The following MPP2 variants were observed in gnomAD, a reference collection of about 807,000 sequenced individuals.
The protein encoded by MPP2 is MAGUK p55 subfamily member 2.
A neutral mutation model predicts 58.5 loss-of-function variants in MPP2; 42 were observed. The observed-to-expected ratio is 0.72, with a 90% CI of 0.56 to 0.93. MPP2 has a LOEUF of 0.93. Among genes scored for constraint, MPP2 ranks in the 40% least tolerant of loss-of-function variants. The pLI, the probability that MPP2 is intolerant of heterozygous loss-of-function variation, is 0.00. For missense variants in MPP2, 632 were observed against 760.4 expected (o/e 0.83, Z 1.99); for synonymous variants, 300 against 307.8 (o/e 0.97, Z 0.26).
intron 2 of MPP2, chr17:43,901,605 G>C (rs1039591392): frequency 2.4e-5 from 24 of 984,704 alleles, no homozygotes; most frequent in Middle Eastern, 5.2e-4. Flanking sequence ...TTACACACCA[G>C]GACAGTAACC....
At chr17:43,904,529 G>A (rs1198130993) in intron 1 of MPP2, 36 bp from the exon 2 acceptor site, 1 of 1,589,708 alleles carries the variant, frequency 6.3e-7, no homozygotes, top group Non-Finnish European at 8.6e-7. Flanking sequence ...GCAGATACAA[G>A]GGCAAAGCAA....
intron 1 of MPP2, chr17:43,906,204 C>T (rs531359560): frequency 1.1e-6 from 1 of 913,328 alleles, no homozygotes; most frequent in South Asian, 5.2e-5. Flanking sequence ...GAAATCCCTG[C>T]GCTCGGAAGT....
intron 3 of MPP2, among the ~76,000 whole-genome samples, chr17:43,897,887 C>G (rs1170264882): frequency 1.3e-5 from 2 of 152,234 alleles, no homozygotes; most frequent in African/African-American, 2.4e-5. Flanking sequence ...TTTAGTCAAT[C>G]TCTCCCCAAC....
At chr17:43,891,156 C>T (rs2143662504) in intron 3 of MPP2, among the ~76,000 whole-genome samples, 1 of 152,286 alleles carries the variant, frequency 6.6e-6, no homozygotes, top group African/African-American at 2.4e-5. Context: ...ACCCTAGCCT[C>T]CCCACAGAAC....
Position 43,883,322 on chromosome 17 carries a change from C to T in MPP2, c.184G>A (p.Ala62Thr), listed in dbSNP as rs1197602082. 1 of 1,612,708 alleles carries T rather than the reference C, an allele frequency of 6.2e-7. No homozygotes were observed. ...HERLEETKLE[A>T]VRDNNLELVQ... ...AGCTCCAGGTTGTTGTCTCTCACGG[C>T]CTCCAGCTTCGTCTCCTCCAGCCTC... The change falls in exon 4 of 13, where the codon GCC becomes ACC. Residue 62 changes from alanine to threonine, a missense_variant. Physicochemically the swap from Ala to Thr is moderately conservative, Grantham distance 58. Transcript: ENST00000269095.
At chr17:43,901,680 A>G in intron 2 of MPP2, 1 of 784,722 alleles carries the variant, frequency 1.3e-6, no homozygotes, top group Non-Finnish European at 1.5e-6. Flanking sequence ...CCCAGCCTTG[A>G]TCCAAAAAAG....
At chr17:43,894,434 TATATATATATAC>T (rs2047740661) in intron 3 of MPP2, among the ~76,000 whole-genome samples, 2 of 16,160 alleles carry the variant, frequency 1.2e-4, no homozygotes, top group Non-Finnish European at 1.5e-4. Flanking sequence ...TATATATATA[TATATATATATAC>T]ACACACACAC....
chr17:43,901,929 T>C (rs569945228), intron 2 of MPP2, among the ~76,000 whole-genome samples: 109 of 152,276 alleles, frequency 7.2e-4, no homozygotes, highest in African/African-American at 2.4e-3. Context: ...AAGGATCTTA[T>C]TAGCTTTGCC....
chr17:43,901,858 G>C (rs142003380), intron 2 of MPP2, among the ~76,000 whole-genome samples: 2 of 152,298 alleles, frequency 1.3e-5, no homozygotes, highest in African/African-American at 4.8e-5. Context: ...CCCTGCAAGA[G>C]GAATACACCC....
At chr17:43,891,841 T>C (rs2047621175) in intron 3 of MPP2, among the ~76,000 whole-genome samples, 1 of 152,244 alleles carries the variant, frequency 6.6e-6, no homozygotes, top group Non-Finnish European at 1.5e-5. Context: ...AGCTGGTCAG[T>C]GGAATCTTCT....
intron 3 of MPP2, among the ~76,000 whole-genome samples, chr17:43,890,806 G>C (rs1015523363): frequency 3.5e-5 from 3 of 85,640 alleles, no homozygotes; most frequent in African/African-American, 1.0e-4. Flanking sequence ...TAGAGGATGA[G>C]AGACCACATG....
chr17:43,880,916 G>T lies in MPP2; in HGVS notation c.989-64C>A. On this transcript the variant is annotated intron_variant, in intron 9 of 12. Coordinates refer to ENST00000269095, the MANE Select transcript of MPP2 (RefSeq NM_005374.5). This position sits in a 1 kb window ranked among gnomAD's most constrained non-coding sequence, Gnocchi z 5.2. ...GGTGAGGGAGGGGCGGAGCTCTCAG[G>T]GAGGCTGAGGGCAAGAGGGCTTGGA... The T allele has an allele frequency of 6.4e-7, 1 of 1,558,934 alleles. No homozygotes were observed.
chr17:43,907,790 G>A (rs1012539971), upstream of MPP2: 39 of 985,422 alleles, frequency 4.0e-5, no homozygotes, highest in African/African-American at 6.5e-4. Flanking sequence ...GGTGCCCCTC[G>A]GCTCCCAAGG....
chr17:43,876,775 G>C lies in MPP2; in HGVS notation c.*1032C>G, dbSNP rs1057207370. ...CAGTGTAAATGGCGCCTCTGGAGTTGTGTGTGAGGAACCTCCTGGAGGGCA... is the reference window on the plus strand; with the variant it reads ...CAGTGTAAATGGCGCCTCTGGAGTTCTGTGTGAGGAACCTCCTGGAGGGCA... On this transcript the variant is annotated 3_prime_UTR_variant, in exon 13 of 13. Coordinates refer to ENST00000269095, the MANE Select transcript of MPP2 (RefSeq NM_005374.5). The C allele has an allele frequency of 1.1e-4, 17 of 152,472 alleles. No individual in the cohort carries two copies. Among genetic ancestry groups the C allele is most frequent in the African/African-American group, 3.6e-4 (15 of 41,600 alleles). The allele number at this position is 152,472 out of a possible 1,614,324, so 9.4% of individuals were successfully genotyped here.
chr17:43,901,398 A>G, intron 2 of MPP2: 1 of 985,494 alleles, frequency 1.0e-6, no homozygotes, highest in South Asian at 4.7e-5. Flanking sequence ...GTTCCCCAGA[A>G]AGGAAAAATG....
chr17:43,882,351 C>A lies in MPP2; in HGVS notation c.614G>T (p.Arg205Leu). ...GAGGATGACACTGCCACTGGCATTG[C>A]GCAGGAGCTCCTGCAGTGCGCGGGG... ...SDPRALQELL[R>L]NASGSVILKI... The change falls in exon 6 of 13, where the codon CGC becomes CTC. Residue 205 changes from arginine to leucine, a missense_variant. Physicochemically the swap from Arg to Leu is moderately radical, Grantham distance 102. Transcript: ENST00000269095. 1.2e-6 allele frequency: 2 copies of A among 1,612,392 alleles called. No individual in the cohort carries two copies. The highest frequency in any genetic ancestry group is 1.7e-6 in the Non-Finnish European group (2 of 1,179,942).
Position 43,877,766 on chromosome 17 carries a change from G to A in MPP2, c.*41C>T, listed in dbSNP as rs759848874. Reference sequence around the variant, plus strand: ...CAGGAGGGGGATGGATTCAGGTTCTGGGTTTCAACACAGAGTGAGCCAAAG... The same window carrying A: ...CAGGAGGGGGATGGATTCAGGTTCTAGGTTTCAACACAGAGTGAGCCAAAG... On this transcript the variant is annotated 3_prime_UTR_variant, in exon 13 of 13. Transcript: ENST00000269095. 7 of 1,558,976 alleles carry A rather than the reference G, an allele frequency of 4.5e-6. No individual in the cohort carries two copies. Among genetic ancestry groups the A allele is most frequent in the Admixed American group, 3.4e-5 (2 of 59,270 alleles).
chr17:43,883,387 G>A lies in MPP2; in HGVS notation c.151-32C>T, dbSNP rs1473293828. On this transcript the variant is annotated intron_variant, in intron 3 of 12. Coordinates refer to ENST00000269095, the MANE Select transcript of MPP2 (RefSeq NM_005374.5). ...GTGGAAGCAGAACAGGTGGGGCTAG[G>A]AGCTTCCCCAGGAGCCCTGGGACAC... The A allele has an allele frequency of 1.9e-6, 3 of 1,598,378 alleles. No homozygotes were observed. The South Asian group carries it at 3.3e-5, about 18-fold the overall frequency.
chr17:43,886,434 T>C (rs1302659722), intron 3 of MPP2, among the ~76,000 whole-genome samples: 1 of 152,082 alleles, frequency 6.6e-6, no homozygotes, highest in Non-Finnish European at 1.5e-5. Flanking sequence ...AATTACTGCA[T>C]TTGACTCCAT....
Sources: allele counts gnomAD v4.1 joint callset (sites outside exome capture counted in the v4.1 genomes callset), GRCh38; gene constraint gnomAD v4.1.1; non-coding constraint Gnocchi (gnomAD v3.1); transcripts MANE v1.5; gene names NCBI Gene and HGNC (gene_info 2026-07-23, HGNC 2026-07-21).